Variants in FADS3 observed in about 807,000 individuals in gnomAD.
FADS3 encodes the protein cytochrome b5-related protein.
In FADS3, 30 loss-of-function variants were observed where a neutral mutation model predicts 60.4. The observed-to-expected ratio is 0.50, with a 90% CI of 0.37 to 0.67. The LOEUF (loss-of-function observed/expected upper bound fraction) is 0.67, where lower values mean the gene tolerates loss of function less well. Among genes scored for constraint, FADS3 ranks in the 30% least tolerant of loss-of-function variants. The pLI is 0.00. For synonymous variants in FADS3, 234 were observed against 249.3 expected (o/e 0.94, Z 0.58); for missense variants, 432 against 598.3 (o/e 0.72, Z 2.90).
Position 61,877,497 on chromosome 11 carries a change from G to C in FADS3, c.885+14C>G. ...GGCAGCCGTATGCCCGGGGTCCTGGGCAACCCCACTCACCGCCCACTGCAT... is the reference window on the plus strand; with the variant it reads ...GGCAGCCGTATGCCCGGGGTCCTGGCCAACCCCACTCACCGCCCACTGCAT... On this transcript the variant is annotated intron_variant, in intron 7 of 11. Coordinates refer to ENST00000278829, the MANE Select transcript of FADS3 (RefSeq NM_021727.5). The surrounding 1 kb of genome is among the most constrained non-coding windows in gnomAD (Gnocchi z 4.7). The C allele has an allele frequency of 1.9e-6, 3 of 1,611,722 alleles. No homozygotes were observed. Among genetic ancestry groups the C allele is most frequent in the Non-Finnish European group, 2.5e-6 (3 of 1,179,682 alleles).
In FADS3 at chr11:61,877,447, C is replaced by T; in HGVS notation, c.885+64G>A. On this transcript the variant is annotated intron_variant, in intron 7 of 11. Coordinates refer to ENST00000278829, the MANE Select transcript of FADS3 (RefSeq NM_021727.5). The surrounding 1 kb of genome is among the most constrained non-coding windows in gnomAD (Gnocchi z 4.7). ...GTTTGCCTTCATGGGCAGGTACTGT[C>T]CCCCGAGGCACCACCTCCTGCCACG... The T allele has an allele frequency of 1.3e-6, 2 of 1,502,000 alleles. No homozygotes were observed. The highest frequency in any genetic ancestry group is 1.4e-5 in the African/African-American group (1 of 73,064). The allele number at this position is 1,502,000 out of a possible 1,614,324, so 93.0% of individuals were successfully genotyped here.
intron 1 of FADS3, among the ~76,000 whole-genome samples, chr11:61,883,089 T>C (rs1938192572): frequency 6.6e-6 from 1 of 152,224 alleles, no homozygotes; most frequent in Admixed American, 6.5e-5. Context: ...CATTTTTAGG[T>C]GTCCAGCTCA....
Position 61,877,067 on chromosome 11 carries a change from G to C in FADS3, c.886-104C>G. Reference sequence around the variant, plus strand: ...CCTCAGGCATCCAACCCTTCTGCCTGATTTGCCTCAGAGCCCAGGACAGGC... The same window carrying C: ...CCTCAGGCATCCAACCCTTCTGCCTCATTTGCCTCAGAGCCCAGGACAGGC... On this transcript the variant is annotated intron_variant, in intron 7 of 11. Coordinates refer to ENST00000278829, the MANE Select transcript of FADS3 (RefSeq NM_021727.5). This position sits in a 1 kb window ranked among gnomAD's most constrained non-coding sequence, Gnocchi z 4.7. 2 of 785,074 alleles carry C rather than the reference G, an allele frequency of 2.5e-6. No individual in the cohort carries two copies. Among genetic ancestry groups the C allele is most frequent in the South Asian group, 1.8e-5 (1 of 54,798 alleles). 48.6% of individuals were successfully genotyped at this position (785,074 alleles called of 1,614,324 possible). A position where few individuals can be genotyped will look rare whatever the true frequency, so the allele number is the denominator to read the frequency against.
In FADS3 at chr11:61,877,366, C is replaced by T; in HGVS notation, c.885+145G>A. The T allele has an allele frequency of 1.6e-6, 1 of 635,194 alleles. No individual in the cohort carries two copies. Among genetic ancestry groups the T allele is most frequent in the Admixed American group, 2.3e-5 (1 of 44,032 alleles). 39.3% of individuals were successfully genotyped at this position (635,194 alleles called of 1,614,324 possible). On this transcript the variant is annotated intron_variant, in intron 7 of 11. Transcript: ENST00000278829. The surrounding 1 kb of genome is among the most constrained non-coding windows in gnomAD (Gnocchi z 4.7). Reference sequence around the variant, plus strand: ...CTCCTGCTGCGCGCACACATGTGAGCCACACTGTTGCACGCATACATGTGA... The same window carrying T: ...CTCCTGCTGCGCGCACACATGTGAGTCACACTGTTGCACGCATACATGTGA...
chr11:61,879,945 C>T, intron 2 of FADS3, 96 bp downstream of exon 2: 1 of 998,006 alleles, frequency 1.0e-6, no homozygotes, highest in Admixed American at 2.4e-5. Context: ...TGGGCGAATG[C>T]CGAGGGAGCT....
In FADS3 at chr11:61,891,481, C is replaced by G. The variant is rs1453198153; in HGVS notation, c.-100G>C. 1.2e-6 allele frequency: 1 copy of G among 827,784 alleles called. No individual in the cohort carries two copies. Among genetic ancestry groups the G allele is most frequent in the East Asian group, 3.4e-5 (1 of 29,000 alleles). 51.3% of individuals were successfully genotyped at this position (827,784 alleles called of 1,614,324 possible). On this transcript the variant is annotated 5_prime_UTR_variant, in exon 1 of 12. Transcript: ENST00000278829. ...CTCCCGGGCGCCGCCTCCGCCGCCG[C>G]CCGCTGCTCCGGCCCCGCCCTGCCG...
In FADS3 at chr11:61,876,403, T is replaced by C; in HGVS notation, c.1036A>G (p.Lys346Glu). ...VWITQMNHIP[K>E]EIGHEKHRDW... is the part of the protein sequence containing the mutation. ...CGGTGCTTCTCGTGGCCGATCTCCT[T>C]GGGGATGTGGTTCATCTGTGTGATC... is the stretch of plus-strand genomic sequence containing the variant. The change falls in exon 9 of 12, where the codon AAG becomes GAG. Residue 346 changes from lysine (K) to glutamate (E), a missense_variant. This residue lies in a region of FADS3 where 48 missense variants were observed against 101.3 expected (regional missense o/e 0.47). Coordinates refer to ENST00000278829, the MANE Select transcript of FADS3 (RefSeq NM_021727.5). This position sits in a 1 kb window ranked among gnomAD's most constrained non-coding sequence, Gnocchi z 5.7. 1 of 1,613,438 alleles carries C rather than the reference T, an allele frequency of 6.2e-7. No homozygotes were observed. Among genetic ancestry groups the C allele is most frequent in the South Asian group, 1.1e-5 (1 of 91,072 alleles).
intron 3 of FADS3, among the ~76,000 whole-genome samples, 182 bp from the exon 4 acceptor site, chr11:61,879,029 G>A (rs1319093057): frequency 1.3e-5 from 2 of 152,184 alleles, no homozygotes; most frequent in Admixed American, 6.5e-5. Flanking sequence ...GGAGGGGCTC[G>A]TAAGTGTCAT....
chr11:61,882,631 G>C (rs551589625), intron 1 of FADS3: 3 of 148,996 alleles, frequency 2.0e-5, no homozygotes, highest in African/African-American at 7.4e-5. Context: ...ATGTTGCCTA[G>C]GCATGTCTTA....
chr11:61,885,012 T>A (rs1938263081), intron 1 of FADS3, among the ~76,000 whole-genome samples: 1 of 151,778 alleles, frequency 6.6e-6, no homozygotes, highest in South Asian at 2.1e-4. Flanking sequence ...ATTTTGCTGG[T>A]GAGGAAATGA....
In FADS3 at chr11:61,877,008, CGGAGGTCT is replaced by C; in HGVS notation, c.886-53_886-46del. 7.0e-7 allele frequency: 1 copy of C among 1,438,052 alleles called. No homozygotes were observed. The highest frequency in any genetic ancestry group is 2.4e-5 in the East Asian group (1 of 41,588). 89.1% of individuals were successfully genotyped at this position (1,438,052 alleles called of 1,614,324 possible). A position where few individuals can be genotyped will look rare whatever the true frequency, so the allele number is the denominator to read the frequency against. Reference sequence around the variant, plus strand: ...CGATACCGAGAGGTCTCCAGGTGCCCGGAGGTCTGGAGGCCTGGTGGGTGGGAGGAGGA... The same window carrying C: ...CGATACCGAGAGGTCTCCAGGTGCCCGGAGGCCTGGTGGGTGGGAGGAGGA... On this transcript the variant is annotated intron_variant, in intron 7 of 11. Coordinates refer to ENST00000278829, the MANE Select transcript of FADS3 (RefSeq NM_021727.5). This position sits in a 1 kb window ranked among gnomAD's most constrained non-coding sequence, Gnocchi z 4.7.
intron 2 of FADS3, among the ~76,000 whole-genome samples, 157 bp downstream of exon 2, chr11:61,879,884 G>T (rs934896882): frequency 2.6e-5 from 4 of 152,210 alleles, no homozygotes; most frequent in African/African-American, 4.8e-5. Flanking sequence ...ACTTTCAACT[G>T]CCTGCCCCCT....
intron 5 of FADS3, 93 bp downstream of exon 5, chr11:61,878,419 G>A: frequency 6.5e-7 from 1 of 1,536,260 alleles, no homozygotes; most frequent in South Asian, 1.2e-5. Context: ...GCCAGATCAG[G>A]GGCTAGGTCA....
intron 1 of FADS3, 60 bp downstream of exon 1, chr11:61,891,109 G>T: frequency 7.1e-7 from 1 of 1,401,072 alleles, no homozygotes; most frequent in Non-Finnish European, 9.8e-7. Context: ...GGGACATCAC[G>T]CCCACGACCG....
At chr11:61,879,961 T>A in intron 2 of FADS3, 80 bp downstream of exon 2, 1 of 1,210,246 alleles carries the variant, frequency 8.3e-7, no homozygotes, top group Non-Finnish European at 1.2e-6. Context: ...GAGCTGCTCC[T>A]GGCCATGTGG....
rs897833274 is a variant in FADS3, at chr11:61,891,542, G to A, written c.-161C>T. 47 of 368,372 alleles carry A rather than the reference G, an allele frequency of 1.3e-4. No individual in the cohort carries two copies. Among genetic ancestry groups the A allele is most frequent in the South Asian group, 5.1e-4 (4 of 7,900 alleles). The allele number at this position is 368,372 out of a possible 1,614,324, so 22.8% of individuals were successfully genotyped here. A position where few individuals can be genotyped will look rare whatever the true frequency, so the allele number is the denominator to read the frequency against. On this transcript the variant is annotated 5_prime_UTR_variant, in exon 1 of 12. Coordinates refer to ENST00000278829, the MANE Select transcript of FADS3 (RefSeq NM_021727.5). The stretch of plus-strand genomic sequence containing the variant: ...CGTACGAGCGAGCGTGCGCCTCCCG[G>A]CTCGCGGCGCAGGGAACTCCCCGCC...
At chr11:61,878,404 T>A (rs111324241) in intron 5 of FADS3, 108 bp downstream of exon 5, 5 of 1,496,866 alleles carry the variant, frequency 3.3e-6, no homozygotes, top group Non-Finnish European at 4.6e-6. Context: ...CCAGCCAGAG[T>A]GGAGGCCAGA....
intron 11 of FADS3, among the ~76,000 whole-genome samples, chr11:61,874,841 CCT>C (rs1210552121): frequency 6.6e-6 from 1 of 152,190 alleles, no homozygotes; most frequent in Non-Finnish European, 1.5e-5. Flanking sequence ...CTGTCCCCAC[CCT>C]GAGGGGCTTT....
chr11:61,879,570 G>T, intron 2 of FADS3, 61 bp from the exon 3 acceptor site: 1 of 1,492,108 alleles, frequency 6.7e-7, no homozygotes. Flanking sequence ...CCATTCTCCT[G>T]GAGCCCCAGC....
Sources: allele counts gnomAD v4.1 joint callset (sites outside exome capture counted in the v4.1 genomes callset), GRCh38; gene constraint gnomAD v4.1.1; regional missense constraint gnomAD v4.1.1; non-coding constraint Gnocchi (gnomAD v3.1); transcripts MANE v1.5; gene names NCBI Gene and HGNC (gene_info 2026-07-23, HGNC 2026-07-21).